The following SPTB variants were observed in gnomAD, a reference collection of about 807,000 sequenced individuals.
SPTB encodes spectrin beta, erythrocytic, also known as spectrin beta chain, erythrocytic.
In SPTB, 45 loss-of-function variants were observed where a neutral mutation model predicts 256.2. The observed-to-expected ratio is 0.18, with a 90% CI of 0.14 to 0.23. The LOEUF (loss-of-function observed/expected upper bound fraction) is 0.23. Among genes scored for constraint, SPTB ranks in the 10% least tolerant of loss-of-function variants. The pLI, the probability that SPTB is intolerant of heterozygous loss-of-function variation, is 1.00. For synonymous variants in SPTB, 1,231 were observed against 1,243.1 expected (o/e 0.99, Z 0.21); for missense variants, 2,715 against 3,040.4 (o/e 0.89, Z 2.52).
intron 1 of SPTB, among the ~76,000 whole-genome samples, chr14:64,856,202 G>T (rs1005746980): frequency 6.6e-6 from 1 of 152,244 alleles, no homozygotes; most frequent in Admixed American, 6.5e-5. Flanking sequence ...CCAGAAGGCT[G>T]TCTCTCCAGG....
At chr14:64,868,653 A>C (rs1882338354) in intron 1 of SPTB, among the ~76,000 whole-genome samples, 1 of 152,198 alleles carries the variant, frequency 6.6e-6, no homozygotes, top group African/African-American at 2.4e-5. Context: ...GGAGGGAAAA[A>C]AGGAGGGCCC....
At position 64,796,778 on chromosome 14, in the gene SPTB, C is replaced by A; in HGVS notation, c.1183-63G>T. On this transcript the variant is annotated intron_variant, in intron 10 of 35. Transcript: ENST00000644917. The surrounding 1 kb of genome is among the most constrained non-coding windows in gnomAD (Gnocchi z 4.1). ...GAGAAATGCCTCACTTTGGGGGCTC[C>A]ACCCCTTTCACCCAACACTGAGTGA... 6.3e-7 allele frequency: 1 copy of A among 1,594,910 alleles called. No individual in the cohort carries two copies. Among genetic ancestry groups the A allele is most frequent in the Non-Finnish European group, 8.6e-7 (1 of 1,166,198 alleles).
chr14:64,749,317 TG>T lies in SPTB; in HGVS notation c.6975del (p.Lys2327ArgfsTer98). 6.2e-7 allele frequency: 1 copy of T among 1,604,898 alleles called. No homozygotes were observed. The highest frequency in any genetic ancestry group is 1.1e-5 in the South Asian group (1 of 90,102). The part of the protein sequence containing the change: ...KDKEKRFSFF[P>X]KKK ...GCCAGCCCCACCTGCTACTTCTTTT[TG>T]GGGAAGAAGCTGAATCTCTTCTCCT... On this transcript the variant is annotated frameshift_variant, in exon 36 of 36. Coordinates refer to ENST00000644917, the MANE Select transcript of SPTB (RefSeq NM_001355436.2). LOFTEE classifies it high-confidence loss of function. The surrounding 1 kb of genome is among the most constrained non-coding windows in gnomAD (Gnocchi z 4.7).
rs761743553 is a variant in SPTB at position 64,750,066 on chromosome 14, G to A, written c.6691C>T (p.His2231Tyr). The change falls in exon 34 of 36, where the codon CAT becomes TAT. Residue 2231 changes from histidine to tyrosine, a missense_variant. His to Tyr is a moderately conservative substitution (Grantham distance 83, BLOSUM62 2). Coordinates refer to ENST00000644917, the MANE Select transcript of SPTB (RefSeq NM_001355436.2). ...CTCAGGGCCAGGGGTTCCTCCCCAT[G>A]GTAGGGCATCCCCAGGGCCAGGTTC... ...AKNLALGMPY[H>Y]GEEPLALRHA... 2 of 1,614,040 alleles carry A rather than the reference G, an allele frequency of 1.2e-6. No individual in the cohort carries two copies. Among genetic ancestry groups the A allele is most frequent in the Non-Finnish European group, 1.7e-6 (2 of 1,180,030 alleles).
At chr14:64,782,620 A>G (rs2139547228) in intron 19 of SPTB, 67 bp from the exon 20 acceptor site, 4 of 1,605,126 alleles carry the variant, frequency 2.5e-6, no homozygotes, top group Non-Finnish European at 3.4e-6. Context: ...CCTGCTCCTG[A>G]TGGTTGCAAG....
chr14:64,782,525 G>A lies in SPTB; in HGVS notation c.4031C>T (p.Pro1344Leu). 2 of 1,613,994 alleles carry A rather than the reference G, an allele frequency of 1.2e-6. No homozygotes were observed. The highest frequency in any genetic ancestry group is 1.7e-6 in the Non-Finnish European group (2 of 1,180,034). ...AEGKQLMDEK[P>L]QFTALVSQKL... ...TTGGGACACCAGGGCTGTAAACTGG[G>A]GCTTCTCATCCATCAGCTGCTTTCC... The change falls in exon 20 of 36, where the codon CCC becomes CTC. Residue 1344 changes from proline (P) to leucine (L), a missense_variant. Transcript: ENST00000644917.
chr14:64,781,920 T>C lies in SPTB; in HGVS notation c.4266+370A>G, dbSNP rs538927059. ...CGAGATCATGTCTTTTGTGGGAACATGGATGGAGCTGGAGGCCATTATCCT... is the reference window on the plus strand; with the variant it reads ...CGAGATCATGTCTTTTGTGGGAACACGGATGGAGCTGGAGGCCATTATCCT... On this transcript the variant is annotated intron_variant, in intron 20 of 35. Coordinates refer to ENST00000644917, the MANE Select transcript of SPTB (RefSeq NM_001355436.2). Among the ~76,000 whole-genome samples the C allele has an allele frequency of 3.3e-5, 5 of 152,296 alleles. No homozygotes were observed. The East Asian group carries it at 9.6e-4, about 29-fold the overall frequency.
Position 64,785,755 on chromosome 14 carries a change from T to C in SPTB, c.3758A>G (p.Glu1253Gly), listed in dbSNP as rs781116290. 9 of 1,614,116 alleles carry C rather than the reference T, an allele frequency of 5.6e-6. No homozygotes were observed. Among genetic ancestry groups the C allele is most frequent in the Non-Finnish European group, 7.6e-6 (9 of 1,180,010 alleles). ...CCCTGGGGCCCGGGAGTACCTGTCCTCAATCAGCTGCACCTTCTCCTTGAT... is the reference window on the plus strand; with the variant it reads ...CCCTGGGGCCCGGGAGTACCTGTCCCCAATCAGCTGCACCTTCTCCTTGAT... ...DKIKEKVQLI[E>G]DRHRKNNEKA... The change falls in exon 17 of 36, where the codon GAG becomes GGG. Residue 1253 changes from glutamate (E) to glycine (G), a missense_variant. This residue lies in a region of SPTB where 2,239 missense variants were observed against 2,384.4 expected (regional missense o/e 0.94). Transcript: ENST00000644917. This position sits in a 1 kb window ranked among gnomAD's most constrained non-coding sequence, Gnocchi z 4.4.
chr14:64,802,199 TG>T lies in SPTB; in HGVS notation c.566+26del, dbSNP rs2082899937. The T allele has an allele frequency of 8.1e-6, 13 of 1,608,778 alleles. No homozygotes were observed. The highest frequency in any genetic ancestry group is 1.1e-5 in the Non-Finnish European group (13 of 1,175,236). ...CGGAGCAAGGGGCTGGTGGTGGATG[TG>T]CTAACAGCTGGTTCCCAGGGCATAC... On this transcript the variant is annotated intron_variant, in intron 5 of 35. Transcript: ENST00000644917. The surrounding 1 kb of genome is among the most constrained non-coding windows in gnomAD (Gnocchi z 5.1).
Position 64,823,827 on chromosome 14 carries a change from C to A in SPTB, c.-51-682G>T, listed in dbSNP as rs1460784123. Among the ~76,000 whole-genome samples the A allele has an allele frequency of 1.3e-5, 2 of 152,140 alleles. No homozygotes were observed. Among genetic ancestry groups the A allele is most frequent in the Non-Finnish European group, 2.9e-5 (2 of 68,018 alleles). ...ATGACCAGGTGCTCAGATGAGGTCT[C>A]CTGTTGAATTCCAGGACAGACTGAG... On this transcript the variant is annotated intron_variant, in intron 1 of 35. Transcript: ENST00000644917. The surrounding 1 kb of genome is among the most constrained non-coding windows in gnomAD (Gnocchi z 6.5).
In SPTB at chr14:64,769,710, T is replaced by G; in HGVS notation, c.5817A>C (p.Glu1939Asp). The G allele has an allele frequency of 6.2e-7, 1 of 1,614,190 alleles. No homozygotes were observed. Among genetic ancestry groups the G allele is most frequent in the South Asian group, 1.1e-5 (1 of 91,088 alleles). The change falls in exon 28 of 36, where the codon GAA becomes GAC. Residue 1939 changes from glutamate (E) to aspartate (D), a missense_variant. Glu to Asp is a conservative substitution (Grantham distance 45). Around this residue, in one of 4 missense-constraint regions of SPTB, gnomAD observed 2,239 missense variants for 2,384.4 expected, o/e 0.94. Transcript: ENST00000644917. The part of the protein sequence containing the change: ...QERPRDVSSV[E>D]LLMKYHQGIN... The stretch of plus-strand genomic sequence containing the variant: ...TGCCCTGGTGATACTTCATGAGCAG[T>G]TCCACAGAGGAGACATCCCTGGGGG...
intron 1 of SPTB, among the ~76,000 whole-genome samples, chr14:64,874,928 A>G (rs1882738483): frequency 6.6e-6 from 1 of 152,172 alleles, no homozygotes; most frequent in African/African-American, 2.4e-5. Flanking sequence ...GCCTGGTTCA[A>G]TGCAAAGCCT....
At chr14:64,861,198 G>A (rs1479073003) in intron 1 of SPTB, among the ~76,000 whole-genome samples, 1 of 152,142 alleles carries the variant, frequency 6.6e-6, no homozygotes, top group East Asian at 1.9e-4. Flanking sequence ...AGGGCCTATC[G>A]GGGGTTGGGG....
At chr14:64,750,928 TTATA>T (rs992449482) in intron 33 of SPTB, among the ~76,000 whole-genome samples, 257 of 138,146 alleles carry the variant, frequency 1.9e-3, no homozygotes, top group Non-Finnish European at 2.9e-3. Context: ...GTATATTACA[TTATA>T]TATCATATAC....
intron 1 of SPTB, among the ~76,000 whole-genome samples, chr14:64,828,802 T>A (rs2139719615): frequency 6.6e-6 from 1 of 152,318 alleles, no homozygotes; most frequent in South Asian, 2.1e-4. Context: ...TTGTAGAATA[T>A]CTATAGTAAC....
At chr14:64,836,568 C>G (rs530353302) in intron 1 of SPTB, among the ~76,000 whole-genome samples, 2 of 152,126 alleles carry the variant, frequency 1.3e-5, no homozygotes, top group Non-Finnish European at 2.9e-5. Context: ...TTCTGTGACC[C>G]TCTTTCTCCT....
rs1173158771 is a variant in SPTB, at chr14:64,759,150, C to G, written c.6346-5357G>C. ...AGCACACAGCAAGTCAGTAGCAGAGCTGAGGCAAGAATCCATGGCCCTGCT... is the reference window on the plus strand; with the variant it reads ...AGCACACAGCAAGTCAGTAGCAGAGGTGAGGCAAGAATCCATGGCCCTGCT... On this transcript the variant is annotated intron_variant, in intron 32 of 35. Transcript: ENST00000644917. This position sits in a 1 kb window ranked among gnomAD's most constrained non-coding sequence, Gnocchi z 4.8. Among the ~76,000 whole-genome samples, 1 of 152,198 alleles carries G rather than the reference C, an allele frequency of 6.6e-6. No homozygotes were observed. Among genetic ancestry groups the G allele is most frequent in the Non-Finnish European group, 1.5e-5 (1 of 68,040 alleles).
At chr14:64,763,703 T>C (rs1441931940) in intron 32 of SPTB, 1 of 517,306 alleles carries the variant, frequency 1.9e-6, no homozygotes, top group Non-Finnish European at 3.9e-6. Flanking sequence ...CCTCCAGCAG[T>C]TTTGTCTTTC....
chr14:64,770,024 C>T (rs1036597464), intron 27 of SPTB, among the ~76,000 whole-genome samples: 7 of 152,210 alleles, frequency 4.6e-5, no homozygotes, highest in Admixed American at 2.6e-4. Context: ...GATGCTACAA[C>T]AGGGATGCAT....
Sources: gnomAD v4.1 joint callset for allele counts (sites outside exome capture counted in the v4.1 genomes callset) on GRCh38, gnomAD v4.1.1 for gene constraint, gnomAD v4.1.1 regional missense constraint, Gnocchi (gnomAD v3.1) non-coding constraint, MANE v1.5 for transcripts, NCBI Gene and HGNC (gene_info 2026-07-23, HGNC 2026-07-21) for gene names.